CACNA1C: variants seen among roughly 807,000 people sequenced by gnomAD.
CACNA1C encodes the protein calcium voltage-gated channel subunit alpha1 C.
CACNA1C carries 30 observed loss-of-function variants against 229.0 expected under a neutral mutation model. That is an observed-to-expected ratio of 0.13 (90% CI 0.10 to 0.18). The LOEUF (loss-of-function observed/expected upper bound fraction) is 0.18. CACNA1C is among the 10% of genes least tolerant of loss of function. The pLI is 1.00. For synonymous variants in CACNA1C, 1,114 were observed against 1,132.5 expected, an observed-to-expected ratio of 0.98 and a Z score of 0.33; for missense variants, 1,658 against 2,845.0, an observed-to-expected ratio of 0.58 and a Z score of 9.49.
chr12:2,349,894 T>C (rs1040149422), intron 3 of CACNA1C, among the ~76,000 whole-genome samples: 1 of 152,188 alleles, frequency 6.6e-6, no homozygotes, highest in Non-Finnish European at 1.5e-5. Context: ...TGTGATTTAC[T>C]TAGTCTTGGG....
At chr12:2,301,557 T>C (rs186329095) in intron 3 of CACNA1C, among the ~76,000 whole-genome samples, 3 of 152,282 alleles carry the variant, frequency 2.0e-5, no homozygotes, top group Non-Finnish European at 2.9e-5. Context: ...AAGACGCTCA[T>C]TGGCATTTTA....
chr12:2,176,883 A>G (rs182053390), intron 3 of CACNA1C, among the ~76,000 whole-genome samples: 2 of 152,246 alleles, frequency 1.3e-5, no homozygotes, highest in African/African-American at 2.4e-5. Flanking sequence ...CTTTACCATC[A>G]CTGAAGAATT....
chr12:2,377,246 C>T (rs1405834896), intron 3 of CACNA1C, among the ~76,000 whole-genome samples: 1 of 152,146 alleles, frequency 6.6e-6, no homozygotes, highest in Non-Finnish European at 1.5e-5. Context: ...GGCCTCAATG[C>T]CCTCCTCTCC....
chr12:2,459,626 C>G (rs2154565420), intron 5 of CACNA1C, among the ~76,000 whole-genome samples: 1 of 152,244 alleles, frequency 6.6e-6, no homozygotes, highest in Non-Finnish European at 1.5e-5. Flanking sequence ...GGCCAGGACC[C>G]ACTTCTTTTT....
intron 7 of CACNA1C, among the ~76,000 whole-genome samples, chr12:2,501,209 C>CAAAAAAAAAAAAAAAAAAAAAAAAA (rs59324696): frequency 3.2e-5 from 1 of 31,386 alleles, no homozygotes; most frequent in African/African-American, 1.7e-4. Flanking sequence ...GACTCCACCT[C>CAAAAAAAAAAAAAAAAAAAAAAAAA]AAAAAAAAAA....
At chr12:2,558,485 A>G (rs2045742546) in intron 11 of CACNA1C, among the ~76,000 whole-genome samples, 1 of 152,216 alleles carries the variant, frequency 6.6e-6, no homozygotes, top group Non-Finnish European at 1.5e-5. Flanking sequence ...AGCTGAGGAC[A>G]TGGACACTTC....
chr12:2,671,148 G>T (rs888734900), intron 38 of CACNA1C, among the ~76,000 whole-genome samples: 1 of 151,864 alleles, frequency 6.6e-6, no homozygotes, highest in African/African-American at 2.4e-5. Flanking sequence ...TCAAGTAGCT[G>T]GGATTACAGG....
intron 3 of CACNA1C, among the ~76,000 whole-genome samples, chr12:2,240,411 A>G (rs779145820): frequency 6.6e-6 from 1 of 152,236 alleles, no homozygotes; most frequent in African/African-American, 2.4e-5. Flanking sequence ...CATTTTAGCA[A>G]TCTTCTGTTG....
chr12:2,208,322 G>C (rs2097816969), intron 3 of CACNA1C, among the ~76,000 whole-genome samples: 2 of 152,234 alleles, frequency 1.3e-5, no homozygotes, highest in African/African-American at 4.8e-5. Context: ...GAGAAGAACA[G>C]CTAGACAACG....
intron 3 of CACNA1C, among the ~76,000 whole-genome samples, chr12:2,252,040 A>C (rs1288257281): frequency 2.0e-5 from 3 of 152,264 alleles, no homozygotes; most frequent in Admixed American, 6.5e-5. Flanking sequence ...GAGTTTGTTT[A>C]ATGAGTGAAG....
intron 1 of CACNA1C, among the ~76,000 whole-genome samples, chr12:2,093,305 G>A (rs989010509): frequency 4.6e-5 from 7 of 152,182 alleles, no homozygotes; most frequent in Non-Finnish European, 8.8e-5. Flanking sequence ...CCACTCCCCT[G>A]TACCAGTGGA....
intron 3 of CACNA1C, among the ~76,000 whole-genome samples, chr12:2,417,263 C>T (rs2098920179): frequency 6.6e-6 from 1 of 152,214 alleles, no homozygotes. Context: ...GTGGCTCCCG[C>T]CCGGTGATGT....
intron 3 of CACNA1C, among the ~76,000 whole-genome samples, chr12:2,366,641 A>T (rs1357380077): frequency 3.3e-5 from 5 of 152,240 alleles, no homozygotes; most frequent in Admixed American, 6.5e-5. Flanking sequence ...TCAAGATAAA[A>T]CAAAAGTATA....
At chr12:2,659,628 T>C (rs2095601445) in intron 34 of CACNA1C, among the ~76,000 whole-genome samples, 1 of 152,142 alleles carries the variant, frequency 6.6e-6, no homozygotes, top group African/African-American at 2.4e-5. Flanking sequence ...TCTAAAAAGC[T>C]GTATATTAAA....
chr12:2,690,873 T>C (rs766966580), intron 46 of CACNA1C, 27 bp from the exon 47 acceptor site: 13 of 1,520,046 alleles, frequency 8.6e-6, no homozygotes, highest in East Asian at 4.8e-5. Context: ...CCTTTGGTTC[T>C]TCATGGCTCC....
Position 2,679,677 on chromosome 12 carries a change from G to T in CACNA1C, c.5325G>T (p.Leu1775=), listed in dbSNP as rs1049183237. ...ANINNANNTA[L]GRLPRPAGYP... ...TCAACAACGCCAACAACACCGCCCT[G>T]GGTCGCCTCCCTCGCCCCGCCGGCT... Residue 1775 remains leucine, a synonymous_variant, in exon 42 of 47, where the codon CTG becomes CTT. Transcript: ENST00000399655. This position sits in a 1 kb window ranked among gnomAD's most constrained non-coding sequence, Gnocchi z 5.5. 2.5e-6 allele frequency: 4 copies of T among 1,613,476 alleles called. No homozygotes were observed. Among genetic ancestry groups the T allele is most frequent in the Non-Finnish European group, 3.4e-6 (4 of 1,179,624 alleles).
chr12:2,670,312 G>A (rs910483366), intron 38 of CACNA1C, among the ~76,000 whole-genome samples: 1 of 152,168 alleles, frequency 6.6e-6, no homozygotes, highest in East Asian at 1.9e-4. Flanking sequence ...GGGCAGGTGG[G>A]AGGCTCGAAT....
intron 3 of CACNA1C, among the ~76,000 whole-genome samples, chr12:2,347,456 C>T (rs1464800633): frequency 6.6e-6 from 1 of 152,232 alleles, no homozygotes; most frequent in Non-Finnish European, 1.5e-5. Context: ...TTAGGCTCCA[C>T]ATTTGTACCA....
intron 9 of CACNA1C, among the ~76,000 whole-genome samples, chr12:2,523,813 C>G (rs2099814117): frequency 6.6e-6 from 1 of 152,130 alleles, no homozygotes; most frequent in Admixed American, 6.5e-5. Flanking sequence ...CCTGAGTTTC[C>G]CTTTGATCCA....
Sources: gnomAD v4.1 joint callset for allele counts (sites outside exome capture counted in the v4.1 genomes callset) on GRCh38, gnomAD v4.1.1 for gene constraint, Gnocchi (gnomAD v3.1) non-coding constraint, MANE v1.5 for transcripts, NCBI Gene and HGNC (gene_info 2026-07-23, HGNC 2026-07-21) for gene names.